Variants in HYDIN observed in about 807,000 individuals in gnomAD.
The protein encoded by HYDIN is HYDIN axonemal central pair apparatus protein, also known as axonemal central pair apparatus protein HYDIN.
Under a neutral mutation model 403.9 loss-of-function variants are expected in HYDIN, and 132 were observed. The ratio of observed to expected loss-of-function variants is 0.33; its 90% CI spans 0.28 to 0.38. The LOEUF is 0.38. Ranked by LOEUF, HYDIN falls within the 10% of genes least tolerant of loss-of-function variation. The probability of loss-of-function intolerance (pLI) is 1.00; values close to 1 mark genes in which losing one functional copy is unlikely to be tolerated. For synonymous variants in HYDIN, 1,202 were observed against 1,891.7 expected (o/e 0.64, Z 9.46); for missense variants, 2,827 against 5,009.5 (o/e 0.56, Z 13.15).
intron 1 of HYDIN, among the ~76,000 whole-genome samples, chr16:71,216,833 T>G (rs568196786): frequency 1.2e-4 from 19 of 152,272 alleles, no homozygotes; most frequent in African/African-American, 4.3e-4. Flanking sequence ...TTCAAATAGG[T>G]CGCCTAAGTT....
intron 41 of HYDIN, among the ~76,000 whole-genome samples, chr16:70,948,677 C>T (rs999986021): frequency 1.2e-4 from 18 of 151,420 alleles, no homozygotes; most frequent in South Asian, 2.1e-4. Context: ...CAAAAGAAGA[C>T]ATTTATGCAG....
chr16:71,075,568 C>G (rs1291959503), intron 13 of HYDIN, among the ~76,000 whole-genome samples: 3 of 151,976 alleles, frequency 2.0e-5, no homozygotes, highest in Non-Finnish European at 4.4e-5. Flanking sequence ...TGAATAAGAG[C>G]CTTTAAATTG....
intron 21 of HYDIN, among the ~76,000 whole-genome samples, chr16:71,022,782 C>CTGTA (rs1416121702): frequency 6.9e-6 from 1 of 145,682 alleles, no homozygotes; most frequent in Non-Finnish European, 1.5e-5. Flanking sequence ...AAGCAGGGAA[C>CTGTA]TGTAGCTCAA....
At chr16:70,917,240 G>A (rs1280429782) in intron 47 of HYDIN, among the ~76,000 whole-genome samples, 1 of 152,256 alleles carries the variant, frequency 6.6e-6, no homozygotes, top group Non-Finnish European at 1.5e-5. Context: ...TTCACAATAA[G>A]GGGTTGATGG....
At chr16:71,186,459 C>G in intron 2 of HYDIN, among the ~76,000 whole-genome samples, 1 of 152,068 alleles carries the variant, frequency 6.6e-6, no homozygotes, top group Admixed American at 6.6e-5. Flanking sequence ...TTGAACTAAA[C>G]AAATGACAGT....
In HYDIN at chr16:71,120,647, A is replaced by C. The variant is rs529356014; in HGVS notation, c.1228-4852T>G. ...AAAATCCTTAAACAAACATCTTTTT[A>C]AAAAATTGCCTTCCTTCCCCTCTAT... On this transcript the variant is annotated intron_variant, in intron 9 of 85. Coordinates refer to ENST00000393567, the MANE Select transcript of HYDIN (RefSeq NM_001270974.2). Among the ~76,000 whole-genome samples the C allele has an allele frequency of 3.3e-5, 5 of 152,224 alleles. No homozygotes were observed. In the East Asian group the frequency reaches 9.7e-4, roughly 29 times the overall value.
intron 53 of HYDIN, among the ~76,000 whole-genome samples, chr16:70,897,294 T>TAGAC (rs1193478696): frequency 1.3e-5 from 2 of 152,194 alleles, no homozygotes; most frequent in African/African-American, 4.8e-5. Flanking sequence ...CTCCTGGGTC[T>TAGAC]GCTCTGGGGA....
At chr16:70,830,653 TG>T (rs1310798230) in intron 80 of HYDIN, among the ~76,000 whole-genome samples, 1 of 148,476 alleles carries the variant, frequency 6.7e-6, no homozygotes, top group Non-Finnish European at 1.5e-5. Context: ...TGGTGGAAAG[TG>T]GGTATATTCC....
intron 10 of HYDIN, among the ~76,000 whole-genome samples, chr16:71,097,784 T>C (rs1188715607): frequency 4.7e-5 from 7 of 149,996 alleles, no homozygotes; most frequent in African/African-American, 1.7e-4. Flanking sequence ...TTGCTCTGTA[T>C]GGACATTTTG....
At chr16:71,207,989 C>T (rs2088388861) in intron 1 of HYDIN, among the ~76,000 whole-genome samples, 1 of 152,086 alleles carries the variant, frequency 6.6e-6, no homozygotes, top group Non-Finnish European at 1.5e-5. Context: ...TTTCAATACC[C>T]TACTGACAGC....
At chr16:70,932,334 G>A (rs2077368959) in intron 45 of HYDIN, among the ~76,000 whole-genome samples, 2 of 152,136 alleles carry the variant, frequency 1.3e-5, no homozygotes, top group African/African-American at 2.4e-5. Context: ...CTGCTTAGAC[G>A]ACAGAGCAAG....
chr16:70,880,547 T>C (rs111347950), intron 60 of HYDIN, among the ~76,000 whole-genome samples: 2 of 151,978 alleles, frequency 1.3e-5, no homozygotes, highest in East Asian at 3.9e-4. Flanking sequence ...TCCCAAGGAG[T>C]CCCGGCCACG....
chr16:71,173,684 T>G (rs1363180523), intron 5 of HYDIN, among the ~76,000 whole-genome samples: 1 of 152,180 alleles, frequency 6.6e-6, no homozygotes, highest in Non-Finnish European at 1.5e-5. Context: ...TCTATTGTTA[T>G]ACAGGTTTTT....
intron 77 of HYDIN, among the ~76,000 whole-genome samples, chr16:70,836,519 T>C (rs1414909926): frequency 6.6e-6 from 1 of 152,206 alleles, no homozygotes; most frequent in Non-Finnish European, 1.5e-5. Flanking sequence ...ATTAGAACAG[T>C]GGCAGTAGAG....
chr16:71,180,208 C>T (rs1446078695), intron 3 of HYDIN, among the ~76,000 whole-genome samples: 1 of 151,688 alleles, frequency 6.6e-6, no homozygotes, highest in Non-Finnish European at 1.5e-5. Context: ...TACAATAGAA[C>T]CCAAATTCAG....
chr16:71,026,575 T>C (rs1040212069), intron 20 of HYDIN, among the ~76,000 whole-genome samples: 1 of 152,076 alleles, frequency 6.6e-6, no homozygotes, highest in Non-Finnish European at 1.5e-5. Flanking sequence ...CTTTACATCC[T>C]CAGTGCCTAG....
rs1362124943 is a variant in HYDIN, at chr16:70,968,564, C to T, written c.5619+1956G>A. Among the ~76,000 whole-genome samples the T allele has an allele frequency of 3.9e-5, 6 of 152,288 alleles. No homozygotes were observed. In the East Asian group the frequency reaches 1.2e-3, roughly 29 times the overall value. ...ACTCCTGCCCAGCAGTAATGAAGAG[C>T]TCCTCCTACTGTTTGTCAAAGAAGG... On this transcript the variant is annotated intron_variant, in intron 36 of 85. Coordinates refer to ENST00000393567, the MANE Select transcript of HYDIN (RefSeq NM_001270974.2).
At position 70,966,847 on chromosome 16, in the gene HYDIN, T is replaced by C. The variant is rs2078592001; in HGVS notation, c.5620-1951A>G. ...ATTGGAGAAGCTCCACTGTAAGGATTGGTGTTGGGCATTCAATATGTCTTA... is the reference window on the plus strand; with the variant it reads ...ATTGGAGAAGCTCCACTGTAAGGATCGGTGTTGGGCATTCAATATGTCTTA... On this transcript the variant is annotated intron_variant, in intron 36 of 85. Coordinates refer to ENST00000393567, the MANE Select transcript of HYDIN (RefSeq NM_001270974.2). Among the ~76,000 whole-genome samples, 3 of 151,420 alleles carry C rather than the reference T, an allele frequency of 2.0e-5. No homozygotes were observed. In the South Asian group the frequency reaches 6.3e-4, roughly 32 times the overall value.
chr16:70,930,517 T>G (rs1412024433), intron 45 of HYDIN, among the ~76,000 whole-genome samples: 27 of 151,942 alleles, frequency 1.8e-4, no homozygotes, highest in South Asian at 2.1e-4. Context: ...CAATCTTCAT[T>G]CTAGAGGAGC....
Sources: allele counts gnomAD v4.1 joint callset (sites outside exome capture counted in the v4.1 genomes callset), GRCh38; gene constraint gnomAD v4.1.1; transcripts MANE v1.5; gene names NCBI Gene and HGNC (gene_info 2026-07-23, HGNC 2026-07-21).